CADM2: variants seen among roughly 807,000 people sequenced by gnomAD.
The protein encoded by CADM2 is immunoglobulin superfamily member 4D.
Under a neutral mutation model 49.8 loss-of-function variants are expected in CADM2, and 12 were observed. The ratio of observed to expected loss-of-function variants is 0.24; its 90% CI spans 0.15 to 0.39. CADM2 has a LOEUF of 0.39. CADM2 is among the 10% of genes least tolerant of loss of function. The pLI, the probability that CADM2 is intolerant of heterozygous loss-of-function variation, is 1.00. For synonymous variants in CADM2, 214 were observed against 175.4 expected (o/e 1.22, Z -1.74); for missense variants, 378 against 492.3 (o/e 0.77, Z 2.20).
intron 8 of CADM2, among the ~76,000 whole-genome samples, chr3:86,007,901 C>G (rs1730986399): frequency 6.6e-6 from 1 of 152,146 alleles, no homozygotes; most frequent in African/African-American, 2.4e-5. Context: ...TGAGCAATGT[C>G]TTGTTCTTCG....
Position 85,527,420 on chromosome 3 carries a change from G to A in CADM2, c.62-199102G>A, listed in dbSNP as rs532154890. 2.1e-3 allele frequency among the ~76,000 whole-genome samples: 304 copies of A among 146,844 alleles called. 2 individuals are homozygous for A. Among genetic ancestry groups the A allele is most frequent in the African/African-American group, 7.0e-3 (290 of 41,204 alleles). On this transcript the variant is annotated intron_variant, in intron 1 of 9. Coordinates refer to ENST00000383699, the MANE Select transcript of CADM2 (RefSeq NM_001167675.2). ...AAAACAAAGAAAGAAAAAATTCTGT[G>A]GAGTCTGTAGTTATGTACTATTACT...
chr3:85,289,568 A>T (rs1057292738), intron 1 of CADM2, among the ~76,000 whole-genome samples: 1 of 152,188 alleles, frequency 6.6e-6, no homozygotes, highest in Non-Finnish European at 1.5e-5. Context: ...AAATGAAGAC[A>T]TAGTCTAAAT....
chr3:85,912,268 A>C, intron 5 of CADM2, 105 bp from the exon 6 acceptor site: 1 of 768,312 alleles, frequency 1.3e-6, no homozygotes, highest in South Asian at 2.3e-5. Context: ...TTTGCTTCTT[A>C]AAAATTGATA....
intron 1 of CADM2, among the ~76,000 whole-genome samples, chr3:85,716,977 G>A (rs2067317100): frequency 6.6e-6 from 1 of 152,058 alleles, no homozygotes; most frequent in Admixed American, 6.6e-5. Flanking sequence ...TTGGCTATAT[G>A]GGCTCTTTTT....
intron 1 of CADM2, among the ~76,000 whole-genome samples, chr3:85,071,045 A>G (rs997990071): frequency 2.0e-5 from 3 of 151,512 alleles, no homozygotes; most frequent in Admixed American, 1.3e-4. Context: ...TAAATAAAAT[A>G]CTTATTATGT....
intron 1 of CADM2, among the ~76,000 whole-genome samples, chr3:85,377,299 C>T (rs1045071798): frequency 6.6e-5 from 10 of 152,008 alleles, no homozygotes; most frequent in South Asian, 2.1e-4. Flanking sequence ...CCCAAGATAG[C>T]GGAATTAGTG....
At chr3:85,872,800 G>A (rs2075979661) in intron 3 of CADM2, among the ~76,000 whole-genome samples, 1 of 151,390 alleles carries the variant, frequency 6.6e-6, no homozygotes, top group Non-Finnish European at 1.5e-5. Flanking sequence ...AAAATTTTAT[G>A]GTTTAGTTGT....
At chr3:85,774,111 A>ATT (rs531241587) in intron 2 of CADM2, among the ~76,000 whole-genome samples, 20 of 150,086 alleles carry the variant, frequency 1.3e-4, no homozygotes, top group Non-Finnish European at 2.8e-4. Flanking sequence ...TTTCCTCTTC[A>ATT]TTTTTTTTTA....
chr3:85,620,592 G>C (rs896072439), intron 1 of CADM2, among the ~76,000 whole-genome samples: 15 of 151,906 alleles, frequency 9.9e-5, no homozygotes, highest in Non-Finnish European at 2.2e-4. Context: ...GCTAGTAATA[G>C]TTCATTGTCT....
At chr3:85,241,573 TAGTC>T (rs897213078) in intron 1 of CADM2, among the ~76,000 whole-genome samples, 50 of 151,636 alleles carry the variant, frequency 3.3e-4, no homozygotes, top group Admixed American at 9.2e-4. Flanking sequence ...AAAAAAATCA[TAGTC>T]AGTTTAAATG....
In CADM2 at chr3:85,855,817, G is replaced by A. The variant is rs548903608; in HGVS notation, c.239-27474G>A. ...AATTGTTTGTATTTTTAGTAGAGACGGGGTTTCACTGTGTTAGCCAGGATG... is the reference window on the plus strand; with the variant it reads ...AATTGTTTGTATTTTTAGTAGAGACAGGGTTTCACTGTGTTAGCCAGGATG... On this transcript the variant is annotated intron_variant, in intron 3 of 9. Transcript: ENST00000383699. 4.2e-3 allele frequency among the ~76,000 whole-genome samples: 637 copies of A among 151,484 alleles called. 3 individuals carry two copies. Among genetic ancestry groups the A allele is most frequent in the Admixed American group, 0.011 (161 of 15,196 alleles).
intron 1 of CADM2, among the ~76,000 whole-genome samples, chr3:85,043,826 C>T (rs1208294173): frequency 6.6e-6 from 1 of 152,070 alleles, no homozygotes; most frequent in East Asian, 1.9e-4. Context: ...CATACTTTTG[C>T]TATTATCTAT....
At chr3:86,014,804 A>C (rs2106946618) in intron 8 of CADM2, 1 of 1,486,548 alleles carries the variant, frequency 6.7e-7, no homozygotes, top group South Asian at 1.4e-5. Flanking sequence ...GGAAAGATAT[A>C]GAGCTTCCAT....
chr3:85,063,700 G>C (rs1175701208), intron 1 of CADM2, among the ~76,000 whole-genome samples: 3 of 151,944 alleles, frequency 2.0e-5, no homozygotes, highest in Admixed American at 6.6e-5. Context: ...GAAGTGGACT[G>C]TTTTATTAAT....
At position 85,449,513 on chromosome 3, in the gene CADM2, T is replaced by C. The variant is rs1188156121; in HGVS notation, c.62-277009T>C. 2.0e-5 allele frequency among the ~76,000 whole-genome samples: 3 copies of C among 152,042 alleles called. No homozygotes were observed. In the East Asian group the frequency reaches 5.8e-4, roughly 29 times the overall value. ...ATGGAAGCATGACCTCAAGACCCGA[T>C]TGCACAAGGTCTTTTTTTGACGTAG... On this transcript the variant is annotated intron_variant, in intron 1 of 9. Coordinates refer to ENST00000383699, the MANE Select transcript of CADM2 (RefSeq NM_001167675.2).
At chr3:85,477,302 A>G (rs1390805506) in intron 1 of CADM2, among the ~76,000 whole-genome samples, 2 of 150,992 alleles carry the variant, frequency 1.3e-5, no homozygotes, top group South Asian at 2.1e-4. Context: ...TTTATAGAAA[A>G]TCTTCTATTA....
At chr3:85,813,771 C>T (rs1264094840) in intron 3 of CADM2, among the ~76,000 whole-genome samples, 3 of 151,746 alleles carry the variant, frequency 2.0e-5, no homozygotes, top group Admixed American at 6.6e-5. Context: ...AGTCAGTTTT[C>T]CCAACACCAT....
At chr3:85,839,807 A>T (rs559715932) in intron 3 of CADM2, among the ~76,000 whole-genome samples, 3 of 151,930 alleles carry the variant, frequency 2.0e-5, no homozygotes, top group Non-Finnish European at 2.9e-5. Context: ...ATAAATGGCT[A>T]TGTATTCTTT....
chr3:85,039,105 G>T (rs1212746106), intron 1 of CADM2, among the ~76,000 whole-genome samples: 1 of 152,078 alleles, frequency 6.6e-6, no homozygotes, highest in Non-Finnish European at 1.5e-5. Flanking sequence ...CGGTTCAAGC[G>T]ATTCTCCTGC....
Sources: allele counts gnomAD v4.1 joint callset (sites outside exome capture counted in the v4.1 genomes callset), GRCh38; gene constraint gnomAD v4.1.1; transcripts MANE v1.5; gene names NCBI Gene and HGNC (gene_info 2026-07-23, HGNC 2026-07-21).